TEKT3: variants seen among roughly 807,000 people sequenced by gnomAD.
TEKT3 encodes tektin 3.
Under a neutral mutation model 49.8 loss-of-function variants are expected in TEKT3, and 49 were observed. That is an observed-to-expected ratio of 0.98 (90% confidence interval 0.78 to 1.25). The LOEUF is 1.25. Ranked by LOEUF, TEKT3 falls within the 50% of genes most tolerant of loss-of-function variation. The pLI, the probability that TEKT3 is intolerant of heterozygous loss-of-function variation, is 0.00. For synonymous variants in TEKT3, 225 were observed against 237.2 expected, an observed-to-expected ratio of 0.95 and a Z score of 0.47; for missense variants, 595 against 629.5, an observed-to-expected ratio of 0.95 and a Z score of 0.59.
intron 6 of TEKT3, among the ~76,000 whole-genome samples, 164 bp downstream of exon 6, chr17:15,313,923 C>T (rs1010978816): frequency 4.6e-5 from 7 of 152,170 alleles, no homozygotes; most frequent in South Asian, 2.1e-4. Context: ...AAGGTCTGAC[C>T]ACAGAACGTG....
intron 3 of TEKT3, among the ~76,000 whole-genome samples, chr17:15,330,115 A>G (rs760704233): frequency 2.0e-5 from 3 of 152,114 alleles, no homozygotes; most frequent in African/African-American, 7.2e-5. Context: ...TAATCAAGCA[A>G]ATTCCATGCC....
At chr17:15,318,754 G>A (rs1911126171) in intron 5 of TEKT3, among the ~76,000 whole-genome samples, 1 of 152,072 alleles carries the variant, frequency 6.6e-6, no homozygotes, top group Non-Finnish European at 1.5e-5. Context: ...TGCCCAGGCT[G>A]GCCTTGAACT....
chr17:15,317,983 T>A (rs1911079526), intron 5 of TEKT3, among the ~76,000 whole-genome samples: 1 of 122,234 alleles, frequency 8.2e-6, no homozygotes, highest in South Asian at 2.8e-4. Context: ...ATCTCTTTTT[T>A]TTTTTTTCTT....
intron 2 of TEKT3, among the ~76,000 whole-genome samples, chr17:15,333,040 T>G (rs1911833710): frequency 6.6e-6 from 1 of 151,738 alleles, no homozygotes; most frequent in Non-Finnish European, 1.5e-5. Flanking sequence ...TTTTTTAACT[T>G]AAGTATATTT....
intron 8 of TEKT3, among the ~76,000 whole-genome samples, chr17:15,305,821 G>A (rs1470547234): frequency 6.6e-6 from 1 of 151,456 alleles, no homozygotes; most frequent in Non-Finnish European, 1.5e-5. Context: ...ATAGAACGTA[G>A]GCAGTTAGAA....
Position 15,304,186 on chromosome 17 carries a change from G to C in TEKT3, c.1257-34C>G. 6.2e-7 allele frequency: 1 copy of C among 1,608,136 alleles called. No individual in the cohort carries two copies. The highest frequency in any genetic ancestry group is 1.1e-5 in the South Asian group (1 of 90,874). On this transcript the variant is annotated intron_variant, in intron 8 of 8. Coordinates refer to ENST00000395930, the MANE Select transcript of TEKT3 (RefSeq NM_031898.3). The surrounding 1 kb of genome is among the most constrained non-coding windows in gnomAD (Gnocchi z 4.7). ...TAAAGGAATCAGCATGGTTAGGTCAGCATGTAGCTTACGCAACTCCAAGTA... is the reference window on the plus strand; with the variant it reads ...TAAAGGAATCAGCATGGTTAGGTCACCATGTAGCTTACGCAACTCCAAGTA...
upstream of TEKT3, among the ~76,000 whole-genome samples, chr17:15,343,576 CA>C (rs1238064395): frequency 1.3e-5 from 2 of 152,222 alleles, no homozygotes; most frequent in Non-Finnish European, 1.5e-5. Flanking sequence ...GTATCCCCAG[CA>C]TGGGGCTTCC....
intron 2 of TEKT3, 141 bp from the exon 3 acceptor site, chr17:15,331,755 C>A: frequency 3.2e-6 from 2 of 621,698 alleles, no homozygotes; most frequent in East Asian, 5.6e-5. Flanking sequence ...TTGTTATCCA[C>A]ATTCACCATT....
At chr17:15,313,442 T>C (rs1168871438) in intron 6 of TEKT3, among the ~76,000 whole-genome samples, 2 of 152,158 alleles carry the variant, frequency 1.3e-5, no homozygotes, top group Non-Finnish European at 2.9e-5. Context: ...CAAGCTGTTT[T>C]CAGCCTGTAT....
At chr17:15,313,652 G>A (rs1161711878) in intron 6 of TEKT3, among the ~76,000 whole-genome samples, 2 of 152,034 alleles carry the variant, frequency 1.3e-5, no homozygotes, top group Admixed American at 6.6e-5. Flanking sequence ...GGGATTACAA[G>A]CACCCACCAC....
chr17:15,333,584 A>C (rs1472837742), intron 2 of TEKT3, among the ~76,000 whole-genome samples: 2 of 152,124 alleles, frequency 1.3e-5, no homozygotes, highest in Non-Finnish European at 2.9e-5. Flanking sequence ...TGAAAAAGGA[A>C]ATTTAAAGTA....
intron 4 of TEKT3, among the ~76,000 whole-genome samples, chr17:15,322,712 A>G (rs1383134488): frequency 6.6e-6 from 1 of 152,220 alleles, no homozygotes; most frequent in Non-Finnish European, 1.5e-5. Flanking sequence ...GAAAGTGGGT[A>G]AACCTCCTGT....
chr17:15,343,094 C>G (rs969755993), upstream of TEKT3, among the ~76,000 whole-genome samples: 1 of 152,220 alleles, frequency 6.6e-6, no homozygotes, highest in Non-Finnish European at 1.5e-5. Flanking sequence ...TAAAGTAGAT[C>G]TGATTGCCCA....
chr17:15,316,965 C>A (rs924315343), intron 5 of TEKT3, among the ~76,000 whole-genome samples: 4 of 152,076 alleles, frequency 2.6e-5, no homozygotes, highest in Non-Finnish European at 5.9e-5. Context: ...ACCTTGGCTG[C>A]CCTGTTAGTG....
At chr17:15,332,258 G>T (rs2150751636) in intron 2 of TEKT3, among the ~76,000 whole-genome samples, 1 of 152,158 alleles carries the variant, frequency 6.6e-6, no homozygotes, top group East Asian at 1.9e-4. Context: ...ACTAGACTTA[G>T]CCTCTTATAT....
chr17:15,322,380 G>A (rs777830375), intron 4 of TEKT3, among the ~76,000 whole-genome samples: 1 of 152,138 alleles, frequency 6.6e-6, no homozygotes, highest in South Asian at 2.1e-4. Context: ...AGATAATTAT[G>A]TGCCTAGTAG....
intron 2 of TEKT3, among the ~76,000 whole-genome samples, chr17:15,335,489 G>C (rs1911941668): frequency 1.3e-5 from 2 of 152,290 alleles, no homozygotes. Context: ...ACACGTTAGA[G>C]GTAGGGCTGA....
At chr17:15,319,278 A>G (rs1456592201) in intron 4 of TEKT3, 131 bp from the exon 5 acceptor site, 5 of 717,754 alleles carry the variant, frequency 7.0e-6, no homozygotes, top group Non-Finnish European at 1.1e-5. Flanking sequence ...CAAGAAAACA[A>G]TTTTGCTTCC....
chr17:15,338,932 T>A (rs1198968235), intron 2 of TEKT3, among the ~76,000 whole-genome samples: 1 of 152,154 alleles, frequency 6.6e-6, no homozygotes, highest in African/African-American at 2.4e-5. Context: ...AAAATAGCTA[T>A]GGAAAAATCC....
Sources: allele counts gnomAD v4.1 joint callset (sites outside exome capture counted in the v4.1 genomes callset), GRCh38; gene constraint gnomAD v4.1.1; non-coding constraint Gnocchi (gnomAD v3.1); transcripts MANE v1.5; gene names NCBI Gene and HGNC (gene_info 2026-07-23, HGNC 2026-07-21).